Variants in IGF2BP2 observed in about 807,000 individuals in gnomAD.
The protein encoded by IGF2BP2 is insulin-like growth factor 2 mRNA-binding protein 2.
Under a neutral mutation model 75.8 loss-of-function variants are expected in IGF2BP2, and 17 were observed. The ratio of observed to expected loss-of-function variants is 0.22; its 90% CI spans 0.15 to 0.34. The LOEUF is 0.34. IGF2BP2 is among the 10% of genes least tolerant of loss of function. The pLI is 1.00. For missense variants in IGF2BP2, 516 were observed against 772.4 expected (o/e 0.67, Z 3.93); for synonymous variants, 288 against 295.6 (o/e 0.97, Z 0.26).
At chr3:185,687,653 T>C (rs1051845013) in intron 6 of IGF2BP2, among the ~76,000 whole-genome samples, 1 of 152,228 alleles carries the variant, frequency 6.6e-6, no homozygotes, top group Non-Finnish European at 1.5e-5. Flanking sequence ...TGAGTGTGGA[T>C]AGAAAACAGA....
At chr3:185,790,879 C>G (rs542019240) in intron 2 of IGF2BP2, among the ~76,000 whole-genome samples, 8 of 152,302 alleles carry the variant, frequency 5.3e-5, no homozygotes, top group Non-Finnish European at 7.4e-5. Context: ...ACTGTCTAAT[C>G]AAAGACTACG....
intron 2 of IGF2BP2, chr3:185,821,049 G>A (rs763352778): frequency 6.5e-7 from 1 of 1,535,438 alleles, no homozygotes. Context: ...TAGTGTCCAG[G>A]ACATGAGAAC....
intron 2 of IGF2BP2, among the ~76,000 whole-genome samples, chr3:185,783,377 A>G (rs1735456272): frequency 6.6e-6 from 1 of 152,022 alleles, no homozygotes; most frequent in African/African-American, 2.4e-5. Context: ...TGCACAGGGG[A>G]AGAAGGACTT....
At chr3:185,693,466 C>T (rs1244171849) in intron 4 of IGF2BP2, among the ~76,000 whole-genome samples, 3 of 151,916 alleles carry the variant, frequency 2.0e-5, no homozygotes, top group Non-Finnish European at 4.4e-5. Flanking sequence ...TTTTTGTTTC[C>T]CTTTGACTGA....
intron 2 of IGF2BP2, among the ~76,000 whole-genome samples, chr3:185,728,039 C>A (rs140659637): frequency 1.9e-3 from 295 of 152,250 alleles, no homozygotes; most frequent in Non-Finnish European, 3.5e-3. Context: ...ATGACTGTAC[C>A]CTACAGCTGG....
chr3:185,682,635 A>C (rs987322037), intron 7 of IGF2BP2, among the ~76,000 whole-genome samples: 1 of 152,244 alleles, frequency 6.6e-6, no homozygotes, highest in African/African-American at 2.4e-5. Flanking sequence ...ATTTGAATAG[A>C]CATTTCTCTA....
intron 2 of IGF2BP2, among the ~76,000 whole-genome samples, chr3:185,731,889 G>A (rs568948745): frequency 2.0e-5 from 3 of 152,210 alleles, no homozygotes; most frequent in African/African-American, 7.2e-5. Flanking sequence ...GGCTGAGGCA[G>A]GAGAATGGCG....
chr3:185,742,452 C>A (rs548085111), intron 2 of IGF2BP2, among the ~76,000 whole-genome samples: 2 of 151,816 alleles, frequency 1.3e-5, no homozygotes, highest in African/African-American at 4.8e-5. Flanking sequence ...GCCGAGATTG[C>A]GCCACTGCAC....
In IGF2BP2 at chr3:185,645,586, A is replaced by T; in HGVS notation, c.1745T>A (p.Val582Glu). 6.2e-7 allele frequency: 1 copy of T among 1,613,708 alleles called. No individual in the cohort carries two copies. Among genetic ancestry groups the T allele is most frequent in the Non-Finnish European group, 8.5e-7 (1 of 1,179,776 alleles). ...AGGGTATTTCTGCTCCTGCTGCTTC[A>T]CCTGTTGTACAATTTCCCTGATCTT... ...QRKIREIVQQ[V>E]KQQEQKYPQG... Residue 582 changes from valine (V) to glutamate (E), a missense_variant, in exon 16 of 16, where the codon GTG becomes GAG. Physicochemically the swap from Val to Glu is moderately radical, Grantham distance 121. Around this residue, in one of 3 missense-constraint regions of IGF2BP2, gnomAD observed 129 missense variants for 230.5 expected, o/e 0.56. Coordinates refer to ENST00000382199, the MANE Select transcript of IGF2BP2 (RefSeq NM_006548.6). The surrounding 1 kb of genome is among the most constrained non-coding windows in gnomAD (Gnocchi z 4.9).
chr3:185,770,323 G>A (rs1350327813), intron 2 of IGF2BP2, among the ~76,000 whole-genome samples: 1 of 152,122 alleles, frequency 6.6e-6, no homozygotes, highest in Non-Finnish European at 1.5e-5. Flanking sequence ...GTGATTTACG[G>A]GAAACTCCAG....
chr3:185,772,266 A>C (rs1343727774), intron 2 of IGF2BP2, among the ~76,000 whole-genome samples: 1 of 152,160 alleles, frequency 6.6e-6, no homozygotes, highest in Non-Finnish European at 1.5e-5. Flanking sequence ...GAATACTGTG[A>C]GCCTTCCTTA....
intron 2 of IGF2BP2, among the ~76,000 whole-genome samples, chr3:185,766,754 A>G (rs545429975): frequency 9.4e-4 from 143 of 152,304 alleles, no homozygotes; most frequent in Admixed American, 5.9e-3. Flanking sequence ...ATTCACACCT[A>G]TTACTTTCAT....
Position 185,649,846 on chromosome 3 carries a change from T to C in IGF2BP2, c.1462-312A>G, listed in dbSNP as rs528146091. ...GGATGGGTGAGGGGATGCAACTCTA[T>C]GTCTTATTTCCATATTATCACCTAT... On this transcript the variant is annotated intron_variant, in intron 13 of 15. Transcript: ENST00000382199. Among the ~76,000 whole-genome samples the C allele has an allele frequency of 1.9e-4, 29 of 152,340 alleles. No individual in the cohort carries two copies. In the South Asian group the frequency reaches 5.0e-3, roughly 26 times the overall value.
chr3:185,751,483 C>A (rs1194975998), intron 2 of IGF2BP2, among the ~76,000 whole-genome samples: 1 of 151,012 alleles, frequency 6.6e-6, no homozygotes, highest in Non-Finnish European at 1.5e-5. Flanking sequence ...GAGGCTGAGG[C>A]AGGAGAATTG....
At chr3:185,778,043 A>T (rs1189352995) in intron 2 of IGF2BP2, among the ~76,000 whole-genome samples, 1 of 152,048 alleles carries the variant, frequency 6.6e-6, no homozygotes, top group African/African-American at 2.4e-5. Context: ...ACAAATGTGG[A>T]GGCTCGCTGA....
intron 2 of IGF2BP2, among the ~76,000 whole-genome samples, chr3:185,742,184 CT>C (rs1355256817): frequency 1.7e-5 from 2 of 115,584 alleles, no homozygotes; most frequent in African/African-American, 7.9e-5. Flanking sequence ...GAGCCCACCT[CT>C]TAAAAAAAAA....
chr3:185,716,324 C>A (rs767638915), intron 2 of IGF2BP2: 1 of 403,748 alleles, frequency 2.5e-6, no homozygotes, highest in Non-Finnish European at 4.9e-6. Flanking sequence ...CAGCATTTAT[C>A]CAATAAACAC....
intron 2 of IGF2BP2, among the ~76,000 whole-genome samples, chr3:185,798,698 T>G (rs942466757): frequency 6.6e-6 from 1 of 151,992 alleles, no homozygotes; most frequent in Non-Finnish European, 1.5e-5. Context: ...TACGAGGGAG[T>G]TTTTTATTAA....
At chr3:185,700,473 G>A (rs1723139668) in intron 2 of IGF2BP2, among the ~76,000 whole-genome samples, 1 of 152,068 alleles carries the variant, frequency 6.6e-6, no homozygotes, top group African/African-American at 2.4e-5. Flanking sequence ...CTACCTCTAT[G>A]CTGTGAAGGC....
Sources: allele counts gnomAD v4.1 joint callset (sites outside exome capture counted in the v4.1 genomes callset), GRCh38; gene constraint gnomAD v4.1.1; regional missense constraint gnomAD v4.1.1; non-coding constraint Gnocchi (gnomAD v3.1); transcripts MANE v1.5; gene names NCBI Gene and HGNC (gene_info 2026-07-23, HGNC 2026-07-21).